DOCK4: variants seen among roughly 807,000 people sequenced by gnomAD.
DOCK4 encodes dedicator of cytokinesis 4, also known as dedicator of cytokinesis protein 4.
Under a neutral mutation model 268.1 loss-of-function variants are expected in DOCK4, and 97 were observed. That is an observed-to-expected ratio of 0.36 (90% CI 0.31 to 0.43). The LOEUF (loss-of-function observed/expected upper bound fraction) is 0.43. Among genes scored for constraint, DOCK4 ranks in the 20% least tolerant of loss-of-function variants. The pLI is 1.00. For synonymous variants in DOCK4, 954 were observed against 887.2 expected, an observed-to-expected ratio of 1.08 and a Z score of -1.34; for missense variants, 2,145 against 2,455.7, an observed-to-expected ratio of 0.87 and a Z score of 2.67.
At chr7:112,066,697 A>ATGTATGTG (rs1563052205) in intron 1 of DOCK4, among the ~76,000 whole-genome samples, 1 of 23,026 alleles carries the variant, frequency 4.3e-5, no homozygotes, top group African/African-American at 1.5e-4. Context: ...ATACATATAT[A>ATGTATGTG]TATATATATA....
intron 52 of DOCK4, among the ~76,000 whole-genome samples, chr7:111,729,061 A>AGAATT (rs1284287703): frequency 6.6e-6 from 1 of 152,166 alleles, no homozygotes; most frequent in Admixed American, 6.5e-5. Context: ...TCTACCTGCC[A>AGAATT]GAATTGAGAA....
At chr7:111,937,739 A>G (rs1030255509) in intron 11 of DOCK4, among the ~76,000 whole-genome samples, 1 of 152,250 alleles carries the variant, frequency 6.6e-6, no homozygotes, top group Non-Finnish European at 1.5e-5. Flanking sequence ...AACACCTGGA[A>G]AAATACAAAT....
At chr7:111,752,359 T>A (rs6979050) in intron 42 of DOCK4, among the ~76,000 whole-genome samples, 1 of 151,880 alleles carries the variant, frequency 6.6e-6, no homozygotes, top group African/African-American at 2.4e-5. Flanking sequence ...TTTAGGAGGC[T>A]ACTGCAGTAA....
At chr7:111,754,477 A>G (rs747185461) in intron 42 of DOCK4, among the ~76,000 whole-genome samples, 2 of 152,230 alleles carry the variant, frequency 1.3e-5, no homozygotes, top group Non-Finnish European at 2.9e-5. Flanking sequence ...ATATTTGCAC[A>G]ATTGGCACAC....
chr7:112,150,299 G>C (rs982698539), intron 1 of DOCK4, among the ~76,000 whole-genome samples: 37 of 152,164 alleles, frequency 2.4e-4, no homozygotes, highest in African/African-American at 8.7e-4. Flanking sequence ...GAAATATCAA[G>C]GTACAAATTA....
intron 1 of DOCK4, among the ~76,000 whole-genome samples, chr7:112,035,107 C>T (rs1322869366): frequency 6.6e-6 from 1 of 152,102 alleles, no homozygotes; most frequent in Non-Finnish European, 1.5e-5. Flanking sequence ...TCCCTACCCT[C>T]ACACCCTTGG....
rs776911255 is a variant in DOCK4 at position 111,739,220 on chromosome 7, G to A, written c.5146C>T (p.His1716Tyr). ...ARASPLLSDK[H>Y]KHSRENSCLS... ...CAAGAGTTTTCTCGGGAATGTTTGT[G>A]TTTGTCAGACAACAAAGGAGAAGCT... Residue 1716 changes from histidine (H) to tyrosine (Y), a missense_variant, in exon 49 of 53, where the codon CAC becomes TAC. Physicochemically the swap from His to Tyr is moderately conservative, Grantham distance 83. Around this residue, in one of 2 missense-constraint regions of DOCK4, gnomAD observed 547 missense variants for 469.0 expected, o/e 1.17. Coordinates refer to ENST00000428084, the MANE Select transcript of DOCK4 (RefSeq NM_001363540.2). 8 of 1,613,990 alleles carry A rather than the reference G, an allele frequency of 5.0e-6. No homozygotes were observed. The Admixed American group carries it at 1.3e-4, about 27-fold the overall frequency.
intron 1 of DOCK4, among the ~76,000 whole-genome samples, chr7:112,054,042 C>T (rs1805603636): frequency 6.6e-6 from 1 of 152,168 alleles, no homozygotes; most frequent in Admixed American, 6.5e-5. Context: ...GGATTTGGGA[C>T]TACATGCAGT....
intron 1 of DOCK4, among the ~76,000 whole-genome samples, chr7:112,028,460 C>T: frequency 6.6e-6 from 1 of 152,214 alleles, no homozygotes; most frequent in East Asian, 1.9e-4. Flanking sequence ...TCCACTATTG[C>T]AAACACAGAA....
chr7:112,042,538 C>T (rs117603344), intron 1 of DOCK4, among the ~76,000 whole-genome samples: 4 of 152,044 alleles, frequency 2.6e-5, no homozygotes, highest in East Asian at 1.9e-4. Context: ...AATGCCACCA[C>T]GAATGACAAA....
chr7:111,937,152 A>G (rs1482620660), intron 11 of DOCK4, among the ~76,000 whole-genome samples: 3 of 152,208 alleles, frequency 2.0e-5, no homozygotes, highest in East Asian at 1.9e-4. Context: ...GTATGTGACT[A>G]AAGTATCTTC....
At chr7:111,897,750 T>A (rs1424198512) in intron 15 of DOCK4, among the ~76,000 whole-genome samples, 2 of 152,218 alleles carry the variant, frequency 1.3e-5, no homozygotes, top group Non-Finnish European at 2.9e-5. Context: ...AACTGGACGT[T>A]ACTCAACTGC....
Position 111,877,126 on chromosome 7 carries a change from C to T in DOCK4, c.1648G>A (p.Gly550Ser). Residue 550 changes from glycine to serine, a missense_variant, in exon 17 of 53, where the codon GGC (glycine) becomes AGC (serine). Gly to Ser is a moderately conservative substitution (Grantham distance 56, BLOSUM62 0). This residue lies in a region of DOCK4 where 1,598 missense variants were observed against 1,986.7 expected (regional missense o/e 0.80). Coordinates refer to ENST00000428084, the MANE Select transcript of DOCK4 (RefSeq NM_001363540.2). ...TGATTATTATTCCCAAGGAAAATGC[C>T]CTTGGAAAAGGGAAGTTTGAGGTAG... ...TRYLKLPFSK[G>S]IFLGNNNQAM... 1 of 1,589,382 alleles carries T rather than the reference C, an allele frequency of 6.3e-7. No individual in the cohort carries two copies. The highest frequency in any genetic ancestry group is 8.6e-7 in the Non-Finnish European group (1 of 1,168,398).
intron 12 of DOCK4, among the ~76,000 whole-genome samples, chr7:111,921,522 G>A (rs1793136616): frequency 6.6e-6 from 1 of 152,156 alleles, no homozygotes; most frequent in Non-Finnish European, 1.5e-5. Context: ...CACATAACAT[G>A]TAGCTACGAA....
intron 1 of DOCK4, among the ~76,000 whole-genome samples, chr7:112,135,748 A>G (rs1814279158): frequency 6.6e-6 from 1 of 150,522 alleles, no homozygotes; most frequent in Admixed American, 6.7e-5. Flanking sequence ...CAAGAGTTCC[A>G]TAAAATTGTT....
At chr7:111,757,839 AC>A (rs1274107628) in intron 41 of DOCK4, among the ~76,000 whole-genome samples, 1 of 152,192 alleles carries the variant, frequency 6.6e-6, no homozygotes, top group African/African-American at 2.4e-5. Flanking sequence ...CAATTAACTC[AC>A]AAAAATAAGC....
intron 1 of DOCK4, among the ~76,000 whole-genome samples, chr7:112,030,602 T>C (rs1235725825): frequency 6.6e-6 from 1 of 152,154 alleles, no homozygotes; most frequent in African/African-American, 2.4e-5. Context: ...ATGAGAAAAG[T>C]CTTAACAGAC....
At chr7:111,759,032 GA>G (rs113671859) in intron 40 of DOCK4, among the ~76,000 whole-genome samples, 5,107 of 152,130 alleles carry the variant, frequency 0.034, 175 homozygotes, top group African/African-American at 0.081. Context: ...TCCATGACTT[GA>G]AAATTTTCAT....
chr7:111,906,278 A>G (rs1189462249), intron 13 of DOCK4, among the ~76,000 whole-genome samples: 1 of 152,138 alleles, frequency 6.6e-6, no homozygotes, highest in South Asian at 2.1e-4. Flanking sequence ...ACAGACACAA[A>G]TGGTGTCATC....
Sources: allele counts gnomAD v4.1 joint callset (sites outside exome capture counted in the v4.1 genomes callset), GRCh38; gene constraint gnomAD v4.1.1; regional missense constraint gnomAD v4.1.1; transcripts MANE v1.5; gene names NCBI Gene and HGNC (gene_info 2026-07-23, HGNC 2026-07-21).